Variants in LAMA3 observed in about 807,000 individuals in gnomAD.
LAMA3 encodes laminin subunit alpha-3.
In LAMA3, 281 loss-of-function variants were observed where a neutral mutation model predicts 402.0. The ratio of observed to expected loss-of-function variants is 0.70; its 90% CI spans 0.63 to 0.77. The LOEUF (loss-of-function observed/expected upper bound fraction) is 0.77. Ranked by LOEUF, LAMA3 falls within the 30% of genes least tolerant of loss-of-function variation. LAMA3 has a pLI of 0.00. For missense variants in LAMA3, 3,840 were observed against 4,215.5 expected, an observed-to-expected ratio of 0.91 and a Z score of 2.47; for synonymous variants, 1,431 against 1,558.4, an observed-to-expected ratio of 0.92 and a Z score of 1.93.
chr18:23,742,849 T>C (rs934892272), intron 2 of LAMA3, among the ~76,000 whole-genome samples: 3 of 152,238 alleles, frequency 2.0e-5, no homozygotes, highest in Non-Finnish European at 4.4e-5. Flanking sequence ...AGTATGTTTA[T>C]TAAATTATAA....
chr18:23,733,166 G>T (rs1184645178), intron 2 of LAMA3, among the ~76,000 whole-genome samples: 2 of 152,064 alleles, frequency 1.3e-5, no homozygotes, highest in African/African-American at 4.8e-5. Flanking sequence ...CATGCTTCTT[G>T]GAGAGTCAAA....
chr18:23,920,479 A>C (rs1568346021), intron 60 of LAMA3, among the ~76,000 whole-genome samples: 1 of 152,146 alleles, frequency 6.6e-6, no homozygotes, highest in Non-Finnish European at 1.5e-5. Flanking sequence ...AACCCCCAAC[A>C]CTGACATGGA....
rs1598578860 is a variant in LAMA3 at position 23,689,646 on chromosome 18, C to T, written c.-38C>T. The stretch of plus-strand genomic sequence containing the variant: ...AGAGCGGCGGTGCCCCCGAGCCCCT[C>T]TGCGGACGGCTCAGGCGGGAGGACC... On this transcript the variant is annotated 5_prime_UTR_variant, in exon 1 of 75. Coordinates refer to ENST00000313654, the MANE Select transcript of LAMA3 (RefSeq NM_198129.4). The T allele has an allele frequency of 3.2e-6, 4 of 1,260,330 alleles. No homozygotes were observed. The East Asian group carries it at 1.3e-4, about 41-fold the overall frequency. The allele number at this position is 1,260,330 out of a possible 1,614,324, so 78.1% of individuals were successfully genotyped here. A position where few individuals can be genotyped will look rare whatever the true frequency, so the allele number is the denominator to read the frequency against.
chr18:23,693,343 A>C (rs543840572), intron 1 of LAMA3, among the ~76,000 whole-genome samples: 6 of 152,250 alleles, frequency 3.9e-5, no homozygotes, highest in South Asian at 2.1e-4. Flanking sequence ...AAAACAACCC[A>C]AAAATACAAT....
In LAMA3 at chr18:23,912,750, G is replaced by A. The variant is rs1210948070; in HGVS notation, c.7198G>A (p.Glu2400Lys). The A allele has an allele frequency of 3.7e-6, 6 of 1,613,940 alleles. No homozygotes were observed. The highest frequency in any genetic ancestry group is 4.2e-6 in the Non-Finnish European group (5 of 1,179,964). ...GAGGTTCAATGGTAAATCTGGAGTCGAAGTCCGACTGCCAAATGACCTGGA... is the reference window on the plus strand; with the variant it reads ...GAGGTTCAATGGTAAATCTGGAGTCAAAGTCCGACTGCCAAATGACCTGGA... ...PMRFNGKSGV[E>K]VRLPNDLEDL... Residue 2400 changes from glutamate (E) to lysine (K), a missense_variant, in exon 56 of 75, where the codon GAA becomes AAA. Glu to Lys is a moderately conservative substitution (Grantham distance 56). Transcript: ENST00000313654.
intron 2 of LAMA3, among the ~76,000 whole-genome samples, chr18:23,726,914 G>A (rs1009224761): frequency 6.6e-6 from 1 of 152,210 alleles, no homozygotes. Flanking sequence ...TACCGTGCCC[G>A]GCCCATTGCC....
intron 68 of LAMA3, among the ~76,000 whole-genome samples, chr18:23,943,001 C>G (rs759947281): frequency 1.3e-5 from 2 of 152,144 alleles, no homozygotes; most frequent in Non-Finnish European, 2.9e-5. Flanking sequence ...TGGGTCTGTG[C>G]TTCCGTGTCT....
intron 38 of LAMA3, among the ~76,000 whole-genome samples, chr18:23,872,273 C>T (rs150448692): frequency 1.1e-3 from 168 of 152,206 alleles, no homozygotes; most frequent in South Asian, 3.3e-3. Context: ...TCTTAGAGGA[C>T]ATTATGTTCT....
intron 12 of LAMA3, among the ~76,000 whole-genome samples, chr18:23,792,083 G>A (rs2062668915): frequency 6.6e-6 from 1 of 152,134 alleles, no homozygotes; most frequent in Admixed American, 6.5e-5. Flanking sequence ...AAAATGTTAG[G>A]AGAGTGGAGG....
intron 4 of LAMA3, among the ~76,000 whole-genome samples, chr18:23,750,706 C>T (rs1342356849): frequency 1.3e-5 from 2 of 151,930 alleles, no homozygotes; most frequent in South Asian, 2.1e-4. Flanking sequence ...ATTTCAAAGA[C>T]GTATTGCCAG....
intron 8 of LAMA3, among the ~76,000 whole-genome samples, chr18:23,767,242 A>G (rs1261668588): frequency 1.3e-5 from 2 of 152,266 alleles, no homozygotes; most frequent in Non-Finnish European, 2.9e-5. Flanking sequence ...AAATGAAAAG[A>G]CATTCCATGC....
At chr18:23,790,209 A>C (rs1268225458) in intron 12 of LAMA3, among the ~76,000 whole-genome samples, 1 of 152,200 alleles carries the variant, frequency 6.6e-6, no homozygotes, top group Non-Finnish European at 1.5e-5. Context: ...CATGAGGGCT[A>C]TTCTTCTAAG....
chr18:23,763,356 C>A, intron 7 of LAMA3, 49 bp from the exon 8 acceptor site: 2 of 1,109,274 alleles, frequency 1.8e-6, no homozygotes, highest in East Asian at 2.4e-5. Flanking sequence ...ATTTACTAAG[C>A]GTCTGATAGT....
At chr18:23,893,890 C>T (rs573411868) in intron 42 of LAMA3, among the ~76,000 whole-genome samples, 1 of 152,290 alleles carries the variant, frequency 6.6e-6, no homozygotes, top group East Asian at 1.9e-4. Flanking sequence ...ACAAGAGGCT[C>T]TTCAATGAAG....
chr18:23,717,484 T>A (rs552583627), intron 2 of LAMA3, among the ~76,000 whole-genome samples: 1 of 152,038 alleles, frequency 6.6e-6, no homozygotes, highest in African/African-American at 2.4e-5. Flanking sequence ...GTGTTTTTCA[T>A]TGTTATTTTT....
chr18:23,886,995 A>C (rs913258043), intron 41 of LAMA3, among the ~76,000 whole-genome samples: 3 of 152,244 alleles, frequency 2.0e-5, no homozygotes, highest in African/African-American at 7.2e-5. Flanking sequence ...TCTATGGCAA[A>C]AGATGGTAAT....
intron 12 of LAMA3, among the ~76,000 whole-genome samples, chr18:23,809,944 A>T (rs2063035378): frequency 6.6e-6 from 1 of 152,156 alleles, no homozygotes; most frequent in Non-Finnish European, 1.5e-5. Context: ...ATCCCCCATC[A>T]GTTGTTCCCT....
chr18:23,785,456 C>T (rs2062525347), intron 12 of LAMA3, among the ~76,000 whole-genome samples: 1 of 152,170 alleles, frequency 6.6e-6, no homozygotes, highest in African/African-American at 2.4e-5. Flanking sequence ...GTTACTTAAC[C>T]CCTCTGTTCC....
At chr18:23,904,438 T>G (rs1365457145) in intron 50 of LAMA3, 115 bp from the exon 51 acceptor site, 2 of 1,240,226 alleles carry the variant, frequency 1.6e-6, no homozygotes, top group South Asian at 2.9e-5. Context: ...TTTTTCCATT[T>G]CTTAAAAAAA....
Sources: allele counts gnomAD v4.1 joint callset (sites outside exome capture counted in the v4.1 genomes callset), GRCh38; gene constraint gnomAD v4.1.1; transcripts MANE v1.5; gene names NCBI Gene and HGNC (gene_info 2026-07-23, HGNC 2026-07-21).